NAV1: variants seen among roughly 807,000 people sequenced by gnomAD.
NAV1 encodes neuron navigator 1.
Under a neutral mutation model 175.2 loss-of-function variants are expected in NAV1, and 18 were observed. That is an observed-to-expected ratio of 0.10 (90% CI 0.07 to 0.15). The LOEUF is 0.15. NAV1 is among the 10% of genes least tolerant of loss of function. The pLI is 1.00. For synonymous variants in NAV1, 897 were observed against 978.7 expected (o/e 0.92, Z 1.56); for missense variants, 1,731 against 2,436.6 (o/e 0.71, Z 6.10).
intron 3 of NAV1, among the ~76,000 whole-genome samples, chr1:201,756,258 G>T (rs558217812): frequency 1.5e-4 from 23 of 152,264 alleles, no homozygotes; most frequent in African/African-American, 5.5e-4. Context: ...TGGGCATAAT[G>T]CAGAGCCTAT....
At chr1:201,584,683 A>T (rs1666974259) in intron 1 of NAV1, among the ~76,000 whole-genome samples, 1 of 152,164 alleles carries the variant, frequency 6.6e-6, no homozygotes, top group African/African-American at 2.4e-5. Flanking sequence ...ATCTCCTCTG[A>T]ATCCATAAGA....
At chr1:201,701,887 T>G (rs1299180783) in intron 1 of NAV1, among the ~76,000 whole-genome samples, 1 of 152,198 alleles carries the variant, frequency 6.6e-6, no homozygotes, top group East Asian at 1.9e-4. Context: ...AGGCATACAT[T>G]CAAAAGAAAT....
chr1:201,718,681 C>T lies in NAV1; in HGVS notation c.1152C>T (p.Asp384=). Residue 384 remains aspartate, a synonymous_variant, in exon 3 of 30, where the codon GAC becomes GAT. Coordinates refer to ENST00000367296, the Ensembl canonical transcript of NAV1. This position sits in a 1 kb window ranked among gnomAD's most constrained non-coding sequence, Gnocchi z 4.8. ...AATCCCTGGACTCGGATGAGGTGGA[C>T]CTCAAGTCCGGCTACATGAGCGACA... The T allele has an allele frequency of 6.2e-7, 1 of 1,614,162 alleles. No individual in the cohort carries two copies. The highest frequency in any genetic ancestry group is 8.5e-7 in the Non-Finnish European group (1 of 1,180,026).
chr1:201,782,887 C>A lies in NAV1; in HGVS notation c.2357+18C>A. 2 of 1,543,776 alleles carry A rather than the reference C, an allele frequency of 1.3e-6. No homozygotes were observed. The highest frequency in any genetic ancestry group is 1.3e-5 in the South Asian group (1 of 79,668). On this transcript the variant is annotated intron_variant, in intron 6 of 29. Coordinates refer to ENST00000367296, the Ensembl canonical transcript of NAV1. This position sits in a 1 kb window ranked among gnomAD's most constrained non-coding sequence, Gnocchi z 5.4. ...CCTCTCAGGTACCCAATGTGGGCAG[C>A]CGCCTCCTTGTCTGTTTGCTTTGTC...
chr1:201,715,558 G>A (rs1051029317), intron 2 of NAV1, among the ~76,000 whole-genome samples: 1 of 152,210 alleles, frequency 6.6e-6, no homozygotes, highest in African/African-American at 2.4e-5. Flanking sequence ...AGAGAATGAG[G>A]CTGGGGGCAG....
At chr1:201,725,093 C>T (rs1029289750) in intron 3 of NAV1, among the ~76,000 whole-genome samples, 2 of 152,194 alleles carry the variant, frequency 1.3e-5, no homozygotes, top group African/African-American at 4.8e-5. Flanking sequence ...TGCCCTCCCA[C>T]TTGGCTCATG....
rs1384736275 is a variant in NAV1, at chr1:201,718,673, G to A, written c.1144G>A (p.Glu382Lys). The change falls in exon 3 of 30, where the codon GAG becomes AAG. Residue 382 changes from glutamate (E) to lysine (K), a missense_variant. Glu to Lys is a moderately conservative substitution (Grantham distance 56). Around this residue, in one of 13 missense-constraint regions of NAV1, gnomAD observed 487 missense variants for 581.3 expected, o/e 0.84. Coordinates refer to ENST00000367296, the Ensembl canonical transcript of NAV1. This position sits in a 1 kb window ranked among gnomAD's most constrained non-coding sequence, Gnocchi z 4.8. ...GCTGGTCGAATCCCTGGACTCGGAT[G>A]AGGTGGACCTCAAGTCCGGCTACAT... is the stretch of plus-strand genomic sequence containing the variant. The A allele has an allele frequency of 2.5e-6, 4 of 1,614,088 alleles. No individual in the cohort carries two copies. The highest frequency in any genetic ancestry group is 3.3e-5 in the Admixed American group (2 of 60,010).
chr1:201,557,144 C>T (rs552923017), intron 1 of NAV1, among the ~76,000 whole-genome samples: 1 of 152,258 alleles, frequency 6.6e-6, no homozygotes, highest in East Asian at 1.9e-4. Flanking sequence ...CCCACGGCAC[C>T]AACTGTGATG....
chr1:201,812,840 A>G lies in NAV1; in HGVS notation c.5221+179A>G, dbSNP rs1339202939. Among the ~76,000 whole-genome samples, 1 of 152,174 alleles carries G rather than the reference A, an allele frequency of 6.6e-6. No homozygotes were observed. Among genetic ancestry groups the G allele is most frequent in the African/African-American group, 2.4e-5 (1 of 41,426 alleles). ...TCCCAACACAGTTAGCACCACTTCA[A>G]TCACCAGAAAGCTAACCCCTCTCCT... On this transcript the variant is annotated intron_variant, in intron 27 of 29. Transcript: ENST00000367296. This position sits in a 1 kb window ranked among gnomAD's most constrained non-coding sequence, Gnocchi z 4.6.
intron 1 of NAV1, chr1:201,673,389 A>AT (rs1670122342): frequency 6.6e-6 from 1 of 152,158 alleles, no homozygotes; most frequent in South Asian, 2.1e-4. Flanking sequence ...AAAATGGGAG[A>AT]TGGAGAGACA....
At chr1:201,697,185 T>C (rs1671226973) in intron 1 of NAV1, among the ~76,000 whole-genome samples, 2 of 152,110 alleles carry the variant, frequency 1.3e-5, no homozygotes, top group African/African-American at 4.8e-5. Flanking sequence ...TGGTGAGCAG[T>C]GGAACCATCC....
At chr1:201,549,891 G>A (rs1373227128) in intron 1 of NAV1, among the ~76,000 whole-genome samples, 4 of 150,778 alleles carry the variant, frequency 2.7e-5, no homozygotes. Context: ...GGCACCTGTG[G>A]TCCCAGCTAC....
rs974800120 is a variant in NAV1 at position 201,718,928 on chromosome 1, T to G, written c.1226+173T>G. On this transcript the variant is annotated intron_variant, in intron 3 of 29. Transcript: ENST00000367296. This position sits in a 1 kb window ranked among gnomAD's most constrained non-coding sequence, Gnocchi z 4.8. ...TGATTGCCTCTGAAATTCGATGTGGTTTATTCTAGACTTGGGTGTGGTGTA... is the reference window on the plus strand; with the variant it reads ...TGATTGCCTCTGAAATTCGATGTGGGTTATTCTAGACTTGGGTGTGGTGTA... Among the ~76,000 whole-genome samples, 9 of 151,816 alleles carry G rather than the reference T, an allele frequency of 5.9e-5. No homozygotes were observed. Among genetic ancestry groups the G allele is most frequent in the Admixed American group, 5.9e-4 (9 of 15,250 alleles).
intron 1 of NAV1, among the ~76,000 whole-genome samples, chr1:201,579,308 A>T (rs1408550175): frequency 6.6e-6 from 1 of 152,158 alleles, no homozygotes; most frequent in Non-Finnish European, 1.5e-5. Context: ...ATGAACTCAG[A>T]GACCTCATCG....
chr1:201,804,265 AT>A (rs1678136233), intron 16 of NAV1, among the ~76,000 whole-genome samples: 1 of 152,002 alleles, frequency 6.6e-6, no homozygotes, highest in Non-Finnish European at 1.5e-5. Flanking sequence ...CCTTTCTGAA[AT>A]TCTTCAGGCA....
chr1:201,791,005 A>G lies in NAV1; in HGVS notation c.3321+239A>G, dbSNP rs1357037008. 15 of 500,222 alleles carry G rather than the reference A, an allele frequency of 3.0e-5. No individual in the cohort carries two copies. In the Admixed American group the frequency reaches 4.2e-4, roughly 14 times the overall value. 31.0% of individuals were successfully genotyped at this position (500,222 alleles called of 1,614,324 possible). ...CTAATTAATAGGTATGGATGAGTTC[A>G]TGTCTGATGGGCTGAGCTCCCTAGA... On this transcript the variant is annotated intron_variant, in intron 13 of 29. Coordinates refer to ENST00000367296, the Ensembl canonical transcript of NAV1.
At chr1:201,644,368 T>A (rs1300556750), upstream of NAV1, among the ~76,000 whole-genome samples, 1 of 152,210 alleles carries the variant, frequency 6.6e-6, no homozygotes, top group East Asian at 1.9e-4. Context: ...TATCAACTGA[T>A]GCTGGAATGG....
exon 30 of NAV1, chr1:201,825,172 C>T (rs186601883): frequency 7.9e-5 from 12 of 152,210 alleles, no homozygotes; most frequent in African/African-American, 2.9e-4. Flanking sequence ...TAGTTGAATA[C>T]AACCTTCAGA....
At chr1:201,725,932 G>A (rs1346869520) in intron 3 of NAV1, among the ~76,000 whole-genome samples, 1 of 152,132 alleles carries the variant, frequency 6.6e-6, no homozygotes, top group Admixed American at 6.5e-5. Context: ...ACACCAGCCT[G>A]GGCGACAAAG....
Sources: gnomAD v4.1 joint callset for allele counts (sites outside exome capture counted in the v4.1 genomes callset) on GRCh38, gnomAD v4.1.1 for gene constraint, gnomAD v4.1.1 regional missense constraint, Gnocchi (gnomAD v3.1) non-coding constraint, MANE v1.5 for transcripts, NCBI Gene and HGNC (gene_info 2026-07-23, HGNC 2026-07-21) for gene names.